Variants in SAP130 observed in about 807,000 individuals in gnomAD.
SAP130 encodes Sin3A associated protein 130.
Under a neutral mutation model 103.2 loss-of-function variants are expected in SAP130, and 16 were observed. That is an observed-to-expected ratio of 0.16 (90% CI 0.10 to 0.24). SAP130 has a LOEUF of 0.24. Among genes scored for constraint, SAP130 ranks in the 10% least tolerant of loss-of-function variants. SAP130 has a pLI of 1.00. For missense variants in SAP130, 990 were observed against 1,359.7 expected, an observed-to-expected ratio of 0.73 and a Z score of 4.28; for synonymous variants, 477 against 497.0, an observed-to-expected ratio of 0.96 and a Z score of 0.53.
intron 2 of SAP130, 25 bp downstream of exon 2, chr2:128,026,156 T>C: frequency 6.9e-7 from 1 of 1,448,040 alleles, no homozygotes; most frequent in Non-Finnish European, 9.6e-7. Context: ...TAGGAAAAAA[T>C]ATATTAGAAT....
At chr2:128,027,650 C>A (rs1351253906) in intron 1 of SAP130, among the ~76,000 whole-genome samples, 4 of 148,170 alleles carry the variant, frequency 2.7e-5, no homozygotes, top group African/African-American at 7.5e-5. Flanking sequence ...CGCCCGCGCT[C>A]CCCCGGCCGC....
chr2:127,969,030 A>C (rs1680882433), intron 15 of SAP130, among the ~76,000 whole-genome samples: 1 of 152,186 alleles, frequency 6.6e-6, no homozygotes. Context: ...GAAAACGCTT[A>C]CCAATCTCTG....
intron 18 of SAP130, among the ~76,000 whole-genome samples, chr2:127,949,320 T>C (rs1022697618): frequency 4.6e-5 from 7 of 152,220 alleles, no homozygotes; most frequent in African/African-American, 1.7e-4. Context: ...TGCAAAGTAC[T>C]ATCAGCATTT....
At chr2:127,997,912 G>A (rs572792374) in intron 10 of SAP130, among the ~76,000 whole-genome samples, 2 of 152,230 alleles carry the variant, frequency 1.3e-5, no homozygotes, top group East Asian at 3.9e-4. Context: ...TCAGGAGTTC[G>A]AGACCAGCCT....
chr2:128,005,472 A>T (rs1264514978), intron 7 of SAP130, among the ~76,000 whole-genome samples: 3 of 151,674 alleles, frequency 2.0e-5, no homozygotes, highest in Non-Finnish European at 4.4e-5. Context: ...AAAATTAGCC[A>T]GGGGTGGTGG....
At chr2:127,998,991 A>C (rs1683361319) in intron 10 of SAP130, among the ~76,000 whole-genome samples, 1 of 152,370 alleles carries the variant, frequency 6.6e-6, no homozygotes, top group East Asian at 1.9e-4. Flanking sequence ...GTGTTATGCT[A>C]AACAGATACA....
chr2:128,019,412 C>A (rs7594963), intron 2 of SAP130, among the ~76,000 whole-genome samples: 20,933 of 152,082 alleles, frequency 0.14, 1,595 homozygotes, highest in African/African-American at 0.21. Flanking sequence ...AGACTACAGG[C>A]ACATGCCACC....
chr2:128,000,131 T>G lies in SAP130; in HGVS notation c.1033A>C (p.Thr345Pro). The change falls in exon 9 of 21, where the codon ACT (threonine) becomes CCT (proline). Residue 345 changes from threonine to proline, a missense_variant. Around this residue, in one of 6 missense-constraint regions of SAP130, gnomAD observed 336 missense variants for 520.1 expected, o/e 0.65. Transcript: ENST00000643581. ...GTGGCTGCAGCCACTGGCGTGCCAG[T>G]ACTGAAGATTGTTTTCTGTGAGGGA... ...HTMAQKTIFS[T>P]GTPVAAATVA... 1.9e-6 allele frequency: 3 copies of G among 1,614,196 alleles called. No homozygotes were observed. The highest frequency in any genetic ancestry group is 2.5e-6 in the Non-Finnish European group (3 of 1,180,010).
At position 127,990,583 on chromosome 2, in the gene SAP130, C is replaced by T. The variant is rs115942328; in HGVS notation, c.1478-717G>A. Among the ~76,000 whole-genome samples, 696 of 152,162 alleles carry T rather than the reference C, an allele frequency of 4.6e-3. 7 individuals carry two copies. The highest frequency in any genetic ancestry group is 0.016 in the African/African-American group (653 of 41,536). ...TCTTACAATGTTTGAAATTTTAGAC[C>T]GGCACTGTTCAATGGCATAGTGGGT... On this transcript the variant is annotated intron_variant, in intron 12 of 20. Coordinates refer to ENST00000643581, the MANE Select transcript of SAP130 (RefSeq NM_001330301.2).
At chr2:127,965,503 G>T (rs1680590153) in intron 15 of SAP130, among the ~76,000 whole-genome samples, 1 of 151,356 alleles carries the variant, frequency 6.6e-6, no homozygotes, top group Admixed American at 6.6e-5. Flanking sequence ...GGAGGGCGGG[G>T]CAGGGAGTGG....
intron 14 of SAP130, 73 bp from the exon 15 acceptor site, chr2:127,978,162 C>T (rs1416237568): frequency 9.0e-7 from 1 of 1,104,974 alleles, no homozygotes; most frequent in Non-Finnish European, 1.3e-6. Flanking sequence ...ACAGGATGCA[C>T]ATTTGCCAGG....
At chr2:127,971,957 G>C (rs1447895949) in intron 15 of SAP130, among the ~76,000 whole-genome samples, 1 of 152,156 alleles carries the variant, frequency 6.6e-6, no homozygotes, top group African/African-American at 2.4e-5. Flanking sequence ...TCAGTGAATG[G>C]AGTTGGCTAT....
Position 127,996,331 on chromosome 2 carries a change from C to T in SAP130, c.1355+19G>A. 6.4e-7 allele frequency: 1 copy of T among 1,573,586 alleles called. No individual in the cohort carries two copies. The highest frequency in any genetic ancestry group is 2.3e-5 in the East Asian group (1 of 43,090). On this transcript the variant is annotated intron_variant, in intron 11 of 20. Transcript: ENST00000643581. This position sits in a 1 kb window ranked among gnomAD's most constrained non-coding sequence, Gnocchi z 4.3. ...TTAATGACACAGTGAGGCAGAATAACTGACACACAGCCTCCTACCTGTTGT... is the reference window on the plus strand; with the variant it reads ...TTAATGACACAGTGAGGCAGAATAATTGACACACAGCCTCCTACCTGTTGT...
chr2:128,004,919 A>G (rs1683849487), intron 7 of SAP130, among the ~76,000 whole-genome samples: 1 of 152,250 alleles, frequency 6.6e-6, no homozygotes, highest in Non-Finnish European at 1.5e-5. Flanking sequence ...ATGGGGATCC[A>G]GAATAAAGCC....
intron 15 of SAP130, among the ~76,000 whole-genome samples, chr2:127,974,538 G>A (rs961842596): frequency 6.6e-6 from 1 of 152,180 alleles, no homozygotes; most frequent in Non-Finnish European, 1.5e-5. Flanking sequence ...TTCTGGCCGG[G>A]CGCGGTGGTG....
intron 2 of SAP130, among the ~76,000 whole-genome samples, chr2:128,018,265 A>G (rs1031561127): frequency 6.7e-6 from 1 of 150,134 alleles, no homozygotes; most frequent in Admixed American, 6.7e-5. Flanking sequence ...CATTAAAAAG[A>G]TATTTTATGC....
chr2:127,972,772 T>TA lies in SAP130; in HGVS notation c.2063+5212dup, dbSNP rs1406477394. On this transcript the variant is annotated intron_variant, in intron 15 of 20. Coordinates refer to ENST00000643581, the MANE Select transcript of SAP130 (RefSeq NM_001330301.2). Reference sequence around the variant, plus strand: ...GATTCTGTCTAAAAAAAAAGTAAATTAAAAAAATAAAAATAGCTGGGCATA... The same window carrying TA: ...GATTCTGTCTAAAAAAAAAGTAAATTAAAAAAAATAAAAATAGCTGGGCATA... 3.7e-3 allele frequency among the ~76,000 whole-genome samples: 554 copies of TA among 150,734 alleles called. 6 individuals are homozygous for TA. Among genetic ancestry groups the TA allele is most frequent in the African/African-American group, 0.013 (531 of 41,054 alleles).
At chr2:128,013,219 G>A in intron 5 of SAP130, 65 bp from the exon 6 acceptor site, 1 of 1,438,266 alleles carries the variant, frequency 7.0e-7, no homozygotes, top group Non-Finnish European at 9.3e-7. Context: ...TAATCAGTAT[G>A]TTTCCCAAAA....
chr2:127,976,073 C>T (rs1681441584), intron 15 of SAP130, among the ~76,000 whole-genome samples: 1 of 152,192 alleles, frequency 6.6e-6, no homozygotes. Context: ...GTCTCTATCT[C>T]CTGACCTTGT....
Sources: allele counts gnomAD v4.1 joint callset (sites outside exome capture counted in the v4.1 genomes callset), GRCh38; gene constraint gnomAD v4.1.1; regional missense constraint gnomAD v4.1.1; non-coding constraint Gnocchi (gnomAD v3.1); transcripts MANE v1.5; gene names NCBI Gene and HGNC (gene_info 2026-07-23, HGNC 2026-07-21).